TFRC: variants seen among roughly 807,000 people sequenced by gnomAD.
The protein encoded by TFRC is transferrin receptor protein 1.
TFRC carries 35 observed loss-of-function variants against 85.8 expected under a neutral mutation model. The ratio of observed to expected loss-of-function variants is 0.41; its 90% CI spans 0.31 to 0.54. The LOEUF is 0.54. Among genes scored for constraint, TFRC ranks in the 20% least tolerant of loss-of-function variants. The pLI is 0.31. For missense variants in TFRC, 828 were observed against 921.5 expected (o/e 0.90, Z 1.31); for synonymous variants, 362 against 328.6 (o/e 1.10, Z -1.10).
Position 196,075,206 on chromosome 3 carries a change from C to T in TFRC, c.191G>A (p.Gly64Glu), listed in dbSNP as rs766686827. The T allele has an allele frequency of 1.2e-6, 2 of 1,614,202 alleles. No homozygotes were observed. The highest frequency in any genetic ancestry group is 2.2e-5 in the South Asian group (2 of 91,086). ...AGCAATAGTCCCATAGCAGATACTT[C>T]CACTACACCTTTTTGGTTTTGTGAC... ...ANVTKPKRCS[G>E]SICYGTIAVI... Residue 64 changes from glycine (G) to glutamate (E), a missense_variant, in exon 3 of 19, where the codon GGA (glycine) becomes GAA (glutamate). Physicochemically the swap from Gly to Glu is moderately conservative, Grantham distance 98. Transcript: ENST00000360110.
At chr3:196,074,175 A>G in intron 3 of TFRC, 50 bp from the exon 4 acceptor site, 1 of 1,481,156 alleles carries the variant, frequency 6.8e-7, no homozygotes. Flanking sequence ...TTTGTAATCT[A>G]TCCCTGTTAA....
intron 3 of TFRC, chr3:196,074,449 C>T: frequency 4.9e-6 from 1 of 202,108 alleles, no homozygotes; most frequent in Non-Finnish European, 9.9e-6. Context: ...GGAGTGGGAG[C>T]AAACAAAAAA....
In TFRC at chr3:196,049,950, G is replaced by A. The variant is rs1487886265; in HGVS notation, c.*1992C>T. 4.3e-6 allele frequency: 1 copy of A among 231,266 alleles called. No individual in the cohort carries two copies. Among genetic ancestry groups the A allele is most frequent in the Non-Finnish European group, 8.6e-6 (1 of 116,864 alleles). 14.3% of individuals were successfully genotyped at this position (231,266 alleles called of 1,614,324 possible). On this transcript the variant is annotated 3_prime_UTR_variant, in exon 19 of 19. Coordinates refer to ENST00000360110, the MANE Select transcript of TFRC (RefSeq NM_001128148.3). ...GTTTCCAACTGCCCTATGACAAACAGCTGATCATCACGTTTATAATGATGG... is the reference window on the plus strand; with the variant it reads ...GTTTCCAACTGCCCTATGACAAACAACTGATCATCACGTTTATAATGATGG...
Position 196,049,409 on chromosome 3 carries a change from A to G in TFRC, c.*2533T>C, listed in dbSNP as rs1716108542. ...AAAGTCTAAAATTTCAAGAACATTCAAAGAGCTAACACAGTAAAGGTCATG... is the reference window on the plus strand; with the variant it reads ...AAAGTCTAAAATTTCAAGAACATTCGAAGAGCTAACACAGTAAAGGTCATG... On this transcript the variant is annotated 3_prime_UTR_variant, in exon 19 of 19. Transcript: ENST00000360110. 4.8e-6 allele frequency: 1 copy of G among 209,730 alleles called. No homozygotes were observed. Among genetic ancestry groups the G allele is most frequent in the African/African-American group, 2.3e-5 (1 of 44,036 alleles). 13.0% of individuals were successfully genotyped at this position (209,730 alleles called of 1,614,324 possible). A position where few individuals can be genotyped will look rare whatever the true frequency, so the allele number is the denominator to read the frequency against.
intron 1 of TFRC, among the ~76,000 whole-genome samples, chr3:196,079,237 G>GA (rs1485448764): frequency 1.3e-5 from 2 of 152,044 alleles, no homozygotes; most frequent in Admixed American, 6.5e-5. Flanking sequence ...CCTTTTCTAG[G>GA]AAAAAACATC....
At chr3:196,062,529 A>T in intron 13 of TFRC, 53 bp downstream of exon 13, 1 of 1,520,434 alleles carries the variant, frequency 6.6e-7, no homozygotes, top group East Asian at 2.2e-5. Context: ...GCAAAACTCC[A>T]TCTCAAAAAA....
At chr3:196,075,613 G>A (rs534951631) in intron 2 of TFRC, among the ~76,000 whole-genome samples, 1 of 151,452 alleles carries the variant, frequency 6.6e-6, no homozygotes, top group African/African-American at 2.4e-5. Context: ...TCCCAGGATG[G>A]AGTACAGTGG....
chr3:196,062,208 A>T (rs541750546), intron 13 of TFRC, among the ~76,000 whole-genome samples: 2 of 142,790 alleles, frequency 1.4e-5, no homozygotes, highest in Non-Finnish European at 3.1e-5. Flanking sequence ...ATACAGTGAG[A>T]CCCTGTCTCA....
In TFRC at chr3:196,067,559, A is replaced by G. The variant is rs751570820; in HGVS notation, c.999T>C (p.Pro333=). 1.1e-5 allele frequency: 18 copies of G among 1,614,176 alleles called. No homozygotes were observed. In the East Asian group the frequency reaches 4.0e-4, roughly 36 times the overall value. ...PSRSSGLPNI[P]VQTISRAAAE... ...CAGCAGCTCTGGAGATTGTCTGGAC[A>G]GGTATATTAGGCAATCCTGATGACC... Residue 333 remains proline (P), a synonymous_variant, in exon 9 of 19, where the codon CCT becomes CCC. Coordinates refer to ENST00000360110, the MANE Select transcript of TFRC (RefSeq NM_001128148.3).
chr3:196,066,217 T>C (rs534136023), intron 9 of TFRC, among the ~76,000 whole-genome samples: 51 of 152,358 alleles, frequency 3.3e-4, no homozygotes, highest in Non-Finnish European at 5.9e-4. Flanking sequence ...TCTTCTAATA[T>C]ATAAAAGAAT....
Position 196,068,219 on chromosome 3 carries a change from G to A in TFRC, c.802-89C>T, listed in dbSNP as rs1007075645. On this transcript the variant is annotated intron_variant, in intron 7 of 18. Transcript: ENST00000360110. ...TGGACATTATGCTAAAGGCCAAATG[G>A]TTACAGAGGACTAAACTTATAATAC... The A allele has an allele frequency of 1.8e-5, 15 of 826,070 alleles. No homozygotes were observed. In the African/African-American group the frequency reaches 2.6e-4, roughly 14 times the overall value. The allele number at this position is 826,070 out of a possible 1,614,324, so 51.2% of individuals were successfully genotyped here.
In TFRC at chr3:196,058,441, A is replaced by G. The variant is rs1221404734; in HGVS notation, c.1596-76T>C. 2.0e-6 allele frequency: 3 copies of G among 1,505,394 alleles called. No individual in the cohort carries two copies. In the Admixed American group the frequency reaches 5.4e-5, roughly 27 times the overall value. 93.3% of individuals were successfully genotyped at this position (1,505,394 alleles called of 1,614,324 possible). A position where few individuals can be genotyped will look rare whatever the true frequency, so the allele number is the denominator to read the frequency against. On this transcript the variant is annotated intron_variant, in intron 15 of 18. Transcript: ENST00000360110. ...TTCTATCGTGCTAGTCCCCCCATCCAAAATAAATTCTTTAGCTGAATATCT... is the reference window on the plus strand; with the variant it reads ...TTCTATCGTGCTAGTCCCCCCATCCGAAATAAATTCTTTAGCTGAATATCT...
In TFRC at chr3:196,051,696, T is replaced by C; in HGVS notation, c.*246A>G. 2 of 481,268 alleles carry C rather than the reference T, an allele frequency of 4.2e-6. No homozygotes were observed. Among genetic ancestry groups the C allele is most frequent in the South Asian group, 6.0e-5 (2 of 33,380 alleles). 29.8% of individuals were successfully genotyped at this position (481,268 alleles called of 1,614,324 possible). On this transcript the variant is annotated 3_prime_UTR_variant, in exon 19 of 19. Transcript: ENST00000360110. ...GAGGCAGTTCCCATTACAAAGCACT[T>C]AAAATTCTAGAGATAGGGGAATATT... is the stretch of plus-strand genomic sequence containing the variant.
chr3:196,063,154 G>C lies in TFRC; in HGVS notation c.1319-215C>G, dbSNP rs1577230777. The C allele has an allele frequency of 1.5e-5, 7 of 468,214 alleles. No individual in the cohort carries two copies. In the East Asian group the frequency reaches 2.8e-4, roughly 18 times the overall value. 29.0% of individuals were successfully genotyped at this position (468,214 alleles called of 1,614,324 possible). A position where few individuals can be genotyped will look rare whatever the true frequency, so the allele number is the denominator to read the frequency against. On this transcript the variant is annotated intron_variant, in intron 11 of 18. Transcript: ENST00000360110. Reference sequence around the variant, plus strand: ...AAGAATAGGAATAATTTTTTTTAAAGTAACCTACAAAGAGCAAGATAGGAG... The same window carrying C: ...AAGAATAGGAATAATTTTTTTTAAACTAACCTACAAAGAGCAAGATAGGAG...
intron 4 of TFRC, among the ~76,000 whole-genome samples, chr3:196,072,456 A>T (rs1001600526): frequency 2.6e-5 from 4 of 152,176 alleles, no homozygotes; most frequent in Admixed American, 2.6e-4. Context: ...TCTACTATAA[A>T]ATCTAAGATA....
chr3:196,063,892 G>C (rs1004048561), intron 11 of TFRC, among the ~76,000 whole-genome samples: 1 of 150,806 alleles, frequency 6.6e-6, no homozygotes, highest in East Asian at 2.0e-4. Flanking sequence ...CTGCACTCCA[G>C]CCTGGGCAAC....
At chr3:196,074,904 A>C (rs1718530101) in intron 3 of TFRC, among the ~76,000 whole-genome samples, 1 of 148,168 alleles carries the variant, frequency 6.7e-6, no homozygotes, top group Non-Finnish European at 1.5e-5. Flanking sequence ...AAAATTAGCC[A>C]GGTGTGGTCG....
intron 12 of TFRC, 93 bp from the exon 13 acceptor site, chr3:196,062,738 T>A (rs1340689301): frequency 6.5e-7 from 1 of 1,548,430 alleles, no homozygotes; most frequent in Non-Finnish European, 8.9e-7. Flanking sequence ...TGGACTCTAC[T>A]GAGACTAAAC....
chr3:196,072,294 C>A, intron 4 of TFRC, 142 bp from the exon 5 acceptor site: 1 of 1,165,506 alleles, frequency 8.6e-7, no homozygotes, highest in Non-Finnish European at 1.2e-6. Context: ...AACTTCTAGA[C>A]TGACCAGAAT....
Sources: gnomAD v4.1 joint callset for allele counts (sites outside exome capture counted in the v4.1 genomes callset) on GRCh38, gnomAD v4.1.1 for gene constraint, MANE v1.5 for transcripts, NCBI Gene and HGNC (gene_info 2026-07-23, HGNC 2026-07-21) for gene names.